GADL1: variants seen among roughly 807,000 people sequenced by gnomAD.
The protein encoded by GADL1 is acidic amino acid decarboxylase GADL1.
GADL1 carries 71 observed loss-of-function variants against 69.5 expected under a neutral mutation model. The ratio of observed to expected loss-of-function variants is 1.02; its 90% confidence interval spans 0.84 to 1.25. GADL1 has a LOEUF of 1.25. Among genes scored for constraint, GADL1 ranks in the 50% most tolerant of loss-of-function variants. GADL1 has a pLI of 0.00. For synonymous variants in GADL1, 254 were observed against 214.4 expected, an observed-to-expected ratio of 1.18 and a Z score of -1.62; for missense variants, 737 against 631.8, an observed-to-expected ratio of 1.17 and a Z score of -1.79.
intron 14 of GADL1, among the ~76,000 whole-genome samples, chr3:30,741,851 G>A (rs547164424): frequency 6.6e-6 from 1 of 152,232 alleles, no homozygotes; most frequent in South Asian, 2.1e-4. Context: ...ATCACCAGTG[G>A]GGTGCAGTGG....
chr3:30,750,966 A>T (rs1695801217), intron 14 of GADL1, among the ~76,000 whole-genome samples: 1 of 152,184 alleles, frequency 6.6e-6, no homozygotes, highest in Non-Finnish European at 1.5e-5. Flanking sequence ...ATATAAAAGA[A>T]GCGTGCTTTG....
chr3:30,786,320 GAC>G (rs753725892), intron 13 of GADL1, 33 bp downstream of exon 13: 1 of 1,390,706 alleles, frequency 7.2e-7, no homozygotes, highest in African/African-American at 1.4e-5. Flanking sequence ...ACTGTTAACT[GAC>G]AAAATCACAA....
At chr3:30,806,422 G>C (rs1335859647) in intron 11 of GADL1, among the ~76,000 whole-genome samples, 3 of 152,136 alleles carry the variant, frequency 2.0e-5, no homozygotes, top group Non-Finnish European at 4.4e-5. Context: ...AAAAGACTTG[G>C]CTGTAATCTA....
intron 14 of GADL1, among the ~76,000 whole-genome samples, chr3:30,768,259 A>G (rs1696331429): frequency 6.6e-6 from 1 of 152,222 alleles, no homozygotes; most frequent in Non-Finnish European, 1.5e-5. Flanking sequence ...AAAGATGTTC[A>G]TCTGTTATTG....
intron 1 of GADL1, among the ~76,000 whole-genome samples, chr3:30,872,352 A>AC (rs901529656): frequency 1.1e-4 from 16 of 151,392 alleles, no homozygotes; most frequent in South Asian, 2.1e-4. Flanking sequence ...AACCACTGTC[A>AC]CCCCCCATAG....
chr3:30,809,277 C>A (rs1329032577), intron 11 of GADL1, among the ~76,000 whole-genome samples: 2 of 152,046 alleles, frequency 1.3e-5, no homozygotes. Flanking sequence ...ATTTTTCATT[C>A]TTTGTCAGAG....
Position 30,747,635 on chromosome 3 carries a change from A to G in GADL1, c.1393-19220T>C, listed in dbSNP as rs548952624. Among the ~76,000 whole-genome samples the G allele has an allele frequency of 1.1e-4, 17 of 152,274 alleles. No individual in the cohort carries two copies. In the South Asian group the frequency reaches 3.1e-3, roughly 28 times the overall value. ...TTGTTTGTTTGTTTGTTTGCTTTTA[A>G]AGTTAATTTATAATTTCCTTTGAAA... is the stretch of plus-strand genomic sequence containing the variant. On this transcript the variant is annotated intron_variant, in intron 14 of 14. Transcript: ENST00000282538.
chr3:30,776,627 G>A lies in GADL1; in HGVS notation c.1392+1552C>T, dbSNP rs60696026. Among the ~76,000 whole-genome samples the A allele has an allele frequency of 8.5e-3, 1,300 of 152,306 alleles. 19 individuals are homozygous for A. The highest frequency in any genetic ancestry group is 0.029 in the African/African-American group (1,220 of 41,550). ...CATCTATTATGTTACAGGTTAGGAGGTTTGAGCCATGAATAAACAGAAAAT... is the reference window on the plus strand; with the variant it reads ...CATCTATTATGTTACAGGTTAGGAGATTTGAGCCATGAATAAACAGAAAAT... On this transcript the variant is annotated intron_variant, in intron 14 of 14. Coordinates refer to ENST00000282538, the MANE Select transcript of GADL1 (RefSeq NM_207359.3).
At chr3:30,810,865 G>A (rs1697339037) in intron 11 of GADL1, among the ~76,000 whole-genome samples, 1 of 152,062 alleles carries the variant, frequency 6.6e-6, no homozygotes, top group Non-Finnish European at 1.5e-5. Flanking sequence ...GAGGGGGAAG[G>A]AAGTCCCTCC....
At chr3:30,807,516 C>CT (rs1235043718) in intron 11 of GADL1, among the ~76,000 whole-genome samples, 14 of 152,178 alleles carry the variant, frequency 9.2e-5, no homozygotes, top group African/African-American at 3.4e-4. Context: ...TGCTGTGGGT[C>CT]TTTACAAGTC....
intron 8 of GADL1, among the ~76,000 whole-genome samples, chr3:30,839,630 G>A (rs988440456): frequency 2.0e-5 from 3 of 151,862 alleles, no homozygotes; most frequent in African/African-American, 7.3e-5. Flanking sequence ...ATATTCTCAG[G>A]TACAAATTCA....
chr3:30,888,933 C>T (rs144726320), intron 1 of GADL1, among the ~76,000 whole-genome samples: 1 of 151,712 alleles, frequency 6.6e-6, no homozygotes, highest in African/African-American at 2.4e-5. Flanking sequence ...GCGGAACCAA[C>T]AGTAAAATTT....
intron 12 of GADL1, among the ~76,000 whole-genome samples, chr3:30,792,430 G>A (rs146080137): frequency 2.6e-5 from 4 of 152,142 alleles, no homozygotes; most frequent in East Asian, 1.9e-4. Context: ...AAAATTAGCC[G>A]GGTGTAGAAG....
intron 8 of GADL1, among the ~76,000 whole-genome samples, chr3:30,843,579 C>T (rs943737893): frequency 5.3e-5 from 8 of 152,180 alleles, no homozygotes; most frequent in Admixed American, 5.2e-4. Context: ...TTTTAAAATG[C>T]AGGTGTTAAG....
chr3:30,768,549 GGGGGAGAGAGAAGGGGT>G (rs964282743), intron 14 of GADL1, among the ~76,000 whole-genome samples: 97 of 137,144 alleles, frequency 7.1e-4, no homozygotes, highest in Middle Eastern at 3.5e-3. Context: ...AAGGAGAAGA[GGGGGAGAGAGAAGGGGT>G]GGGGAGGGGG....
intron 14 of GADL1, among the ~76,000 whole-genome samples, chr3:30,765,249 T>G (rs1439969048): frequency 2.6e-5 from 4 of 152,116 alleles, no homozygotes; most frequent in African/African-American, 9.7e-5. Context: ...AAGTGGTGGC[T>G]CTCGGCTCTT....
intron 14 of GADL1, among the ~76,000 whole-genome samples, chr3:30,773,098 A>C (rs913768442): frequency 2.0e-5 from 3 of 152,332 alleles, no homozygotes; most frequent in Non-Finnish European, 2.9e-5. Context: ...CAAACTAATT[A>C]ATTATTGTAT....
At chr3:30,866,414 A>T (rs1698403587) in intron 1 of GADL1, among the ~76,000 whole-genome samples, 1 of 152,068 alleles carries the variant, frequency 6.6e-6, no homozygotes, top group South Asian at 2.1e-4. Context: ...AGCCAAGATC[A>T]TACCACTGCA....
intron 2 of GADL1, 83 bp from the exon 3 acceptor site, chr3:30,857,224 A>AAATCACCCGCTG: frequency 8.4e-7 from 1 of 1,194,440 alleles, no homozygotes; most frequent in Non-Finnish European, 1.2e-6. Context: ...CTCTACCATT[A>AAATCACCCGCTG]CAAAGCTTCT....
Sources: allele counts gnomAD v4.1 joint callset (sites outside exome capture counted in the v4.1 genomes callset), GRCh38; gene constraint gnomAD v4.1.1; transcripts MANE v1.5; gene names NCBI Gene and HGNC (gene_info 2026-07-23, HGNC 2026-07-21).